Variants in TF observed in about 807,000 individuals in gnomAD.
TF encodes transferrin, also known as serotransferrin.
Under a neutral mutation model 82.4 loss-of-function variants are expected in TF, and 55 were observed. The observed-to-expected ratio is 0.67, with a 90% CI of 0.54 to 0.84. The LOEUF (loss-of-function observed/expected upper bound fraction) is 0.84. Ranked by LOEUF, TF falls within the 40% of genes least tolerant of loss-of-function variation. TF has a pLI of 0.00. For missense variants in TF, 737 were observed against 868.4 expected (o/e 0.85, Z 1.90); for synonymous variants, 332 against 332.6 (o/e 1.00, Z 0.02).
At chr3:133,689,515 T>A in the TF span, among the ~76,000 whole-genome samples, 1 of 152,126 alleles carries the variant, frequency 6.6e-6, no homozygotes, top group South Asian at 2.1e-4. Flanking sequence ...TACAGCCTTT[T>A]TAAAAGAATC....
rs1310664269 is a variant in TF, at chr3:133,782,063, T to C, written c.*3443T>C. On this transcript the variant is annotated 3_prime_UTR_variant, in exon 17 of 17. Transcript: ENST00000402696. ...ATGAAAAGGTGTTCAACATCACTAA[T>C]CATAAGGGAAATGTGAATTGAAACC... 2.0e-5 allele frequency: 3 copies of C among 152,142 alleles called. No individual in the cohort carries two copies. Among genetic ancestry groups the C allele is most frequent in the Non-Finnish European group, 4.4e-5 (3 of 68,038 alleles). The allele number at this position is 152,142 out of a possible 1,614,324, so 9.4% of individuals were successfully genotyped here.
At chr3:133,675,869 C>T in the TF span, among the ~76,000 whole-genome samples, 1 of 152,088 alleles carries the variant, frequency 6.6e-6, no homozygotes, top group Admixed American at 6.6e-5. Context: ...GAGGAGTTGC[C>T]ACAGAGACTA....
the TF span, among the ~76,000 whole-genome samples, chr3:133,672,403 T>C: frequency 4.7e-5 from 7 of 149,678 alleles, no homozygotes; most frequent in Non-Finnish European, 8.9e-5. Flanking sequence ...TTAGTGACAT[T>C]AAGATAAAGA....
At chr3:133,757,131 C>T in intron 7 of TF, 122 bp downstream of exon 7, 1 of 1,302,302 alleles carries the variant, frequency 7.7e-7, no homozygotes, top group South Asian at 1.2e-5. Context: ...GGAGCCATGC[C>T]ACATGTCACT....
At chr3:133,775,343 G>A in intron 14 of TF, 90 bp from the exon 15 acceptor site, 2 of 1,395,174 alleles carry the variant, frequency 1.4e-6, no homozygotes, top group Non-Finnish European at 2.0e-6. Context: ...GAAGGCCCAG[G>A]TTCTCTACAC....
chr3:133,759,477 A>C (rs1559872653), intron 9 of TF, 148 bp downstream of exon 9: 3 of 969,128 alleles, frequency 3.1e-6, no homozygotes, highest in Middle Eastern at 5.5e-4. Flanking sequence ...GCCCCACCGG[A>C]GGTTCAGAAT....
the TF span, among the ~76,000 whole-genome samples, chr3:133,722,958 G>T: frequency 1.3e-5 from 2 of 152,188 alleles, no homozygotes; most frequent in Non-Finnish European, 2.9e-5. Context: ...TGTAAGGCTG[G>T]TCTTAGGGGT....
the TF span, among the ~76,000 whole-genome samples, chr3:133,726,031 T>G: frequency 6.6e-6 from 1 of 152,212 alleles, no homozygotes; most frequent in Non-Finnish European, 1.5e-5. Flanking sequence ...TGGATAAGCT[T>G]TTGGACGTGC....
the TF span, among the ~76,000 whole-genome samples, chr3:133,719,209 C>T: frequency 6.6e-6 from 1 of 152,104 alleles, no homozygotes; most frequent in East Asian, 1.9e-4. Flanking sequence ...TGCAAAATCA[C>T]CTTTCATGCT....
At chr3:133,694,881 TA>T in the TF span, among the ~76,000 whole-genome samples, 1 of 96,552 alleles carries the variant, frequency 1.0e-5, no homozygotes. Flanking sequence ...TTTATTTATT[TA>T]TTTATTATTA....
chr3:133,754,670 A>T lies in TF; in HGVS notation c.501A>T (p.Lys167Asn), dbSNP rs2107914141. 1 of 1,614,124 alleles carries T rather than the reference A, an allele frequency of 6.2e-7. No homozygotes were observed. Among genetic ancestry groups the T allele is most frequent in the Non-Finnish European group, 8.5e-7 (1 of 1,180,020 alleles). Residue 167 changes from lysine to asparagine, a missense_variant and splice_region_variant, in exon 4 of 17, where the codon AAA becomes AAT. Transcript: ENST00000402696. ...CTGAGCCACGTAAACCTCTTGAGAAAGGTAAGCTGGCAGGAGTCTGGGTGC... is the reference window on the plus strand; with the variant it reads ...CTGAGCCACGTAAACCTCTTGAGAATGGTAAGCTGGCAGGAGTCTGGGTGC... ...DLPEPRKPLE[K>N]AVANFFSGSC...
At chr3:133,683,077 C>T in the TF span, among the ~76,000 whole-genome samples, 2 of 152,132 alleles carry the variant, frequency 1.3e-5, no homozygotes, top group Admixed American at 6.6e-5. Context: ...GAATTTTCAA[C>T]CCAGAATTTC....
intron 4 of TF, 74 bp downstream of exon 4, chr3:133,754,745 A>ATGT: frequency 6.7e-7 from 1 of 1,494,962 alleles, no homozygotes; most frequent in Non-Finnish European, 9.3e-7. Context: ...TGCACTAGAC[A>ATGT]GTCACCATCA....
intron 1 of TF, among the ~76,000 whole-genome samples, chr3:133,747,925 C>G (rs1933547515): frequency 6.6e-6 from 1 of 151,414 alleles, no homozygotes; most frequent in Non-Finnish European, 1.5e-5. Flanking sequence ...GCAGGGTGAC[C>G]TTGGGTTAAA....
intron 9 of TF, chr3:133,760,310 A>G (rs1054183477): frequency 6.6e-6 from 1 of 152,512 alleles, no homozygotes. Flanking sequence ...ATGAATAACC[A>G]TGTATCTTCA....
chr3:133,746,289 G>C (rs555332130), upstream of TF: 6 of 843,516 alleles, frequency 7.1e-6, no homozygotes, highest in Non-Finnish European at 1.2e-5. Context: ...GTTGGGAGAG[G>C]GGCGATTGGG....
At chr3:133,736,274 A>G in the TF span, among the ~76,000 whole-genome samples, 1 of 152,230 alleles carries the variant, frequency 6.6e-6, no homozygotes, top group African/African-American at 2.4e-5. Context: ...TGTCACCACC[A>G]GGCCTGCCTT....
At chr3:133,748,262 A>G in intron 1 of TF, 150 bp from the exon 2 acceptor site, 1 of 987,970 alleles carries the variant, frequency 1.0e-6, no homozygotes, top group Non-Finnish European at 1.6e-6. Context: ...CTCAGAATGC[A>G]GTAGAACTTG....
At chr3:133,709,163 T>C in the TF span, among the ~76,000 whole-genome samples, 3 of 152,170 alleles carry the variant, frequency 2.0e-5, no homozygotes, top group African/African-American at 7.2e-5. Flanking sequence ...ACTAGAGATC[T>C]GGACAGAAAA....
Sources: allele counts gnomAD v4.1 joint callset (sites outside exome capture counted in the v4.1 genomes callset), GRCh38; gene constraint gnomAD v4.1.1; transcripts MANE v1.5; gene names NCBI Gene and HGNC (gene_info 2026-07-23, HGNC 2026-07-21).